The following CHST8 variants were observed in gnomAD, a reference collection of about 807,000 sequenced individuals.
CHST8 encodes carbohydrate sulfotransferase 8, also known as GALNAC-4-ST1.
A neutral mutation model predicts 15.0 loss-of-function variants in CHST8; 10 were observed. The ratio of observed to expected loss-of-function variants is 0.67; its 90% CI spans 0.41 to 1.13. CHST8 has a LOEUF of 1.13. Ranked by LOEUF, CHST8 falls within the 50% of genes most tolerant of loss-of-function variation. The pLI is 0.00. For synonymous variants in CHST8, 259 were observed against 256.6 expected (o/e 1.01, Z -0.09); for missense variants, 634 against 608.2 (o/e 1.04, Z -0.45).
chr19:33,672,820 G>T (rs1000516572), intron 2 of CHST8, among the ~76,000 whole-genome samples: 1 of 152,204 alleles, frequency 6.6e-6, no homozygotes, highest in Non-Finnish European at 1.5e-5. Flanking sequence ...CTCTGACAGA[G>T]GAGAGGAAGA....
intron 2 of CHST8, among the ~76,000 whole-genome samples, chr19:33,671,609 G>C (rs150540149): frequency 6.6e-6 from 1 of 151,758 alleles, no homozygotes; most frequent in Non-Finnish European, 1.5e-5. Context: ...CAGGGCCCTT[G>C]CACAGCTGAT....
intron 3 of CHST8, among the ~76,000 whole-genome samples, chr19:33,733,794 C>G (rs1189160722): frequency 6.6e-6 from 1 of 152,190 alleles, no homozygotes; most frequent in Admixed American, 6.5e-5. Flanking sequence ...GCTGGAACTT[C>G]CTACATAGGA....
At chr19:33,679,372 G>A (rs1972855667) in intron 2 of CHST8, among the ~76,000 whole-genome samples, 1 of 152,212 alleles carries the variant, frequency 6.6e-6, no homozygotes, top group Non-Finnish European at 1.5e-5. Flanking sequence ...GCTCAGGTGG[G>A]GAGAGATGCT....
At chr19:33,706,116 C>T (rs1973440377) in intron 3 of CHST8, among the ~76,000 whole-genome samples, 1 of 152,162 alleles carries the variant, frequency 6.6e-6, no homozygotes, top group Admixed American at 6.5e-5. Flanking sequence ...TCCTCAGATC[C>T]CAAAAGTCTG....
chr19:33,687,556 A>G (rs1973003311), intron 2 of CHST8, among the ~76,000 whole-genome samples: 2 of 152,114 alleles, frequency 1.3e-5, no homozygotes, highest in African/African-American at 2.4e-5. Flanking sequence ...GCAGGAACCA[A>G]CTGCTCGGCA....
rs181264832 is a variant in CHST8 at position 33,693,977 on chromosome 19, G to T, written c.130+4586G>T. Among the ~76,000 whole-genome samples, 7 of 150,638 alleles carry T rather than the reference G, an allele frequency of 4.6e-5. No homozygotes were observed. In the East Asian group the frequency reaches 9.8e-4, roughly 21 times the overall value. On this transcript the variant is annotated intron_variant, in intron 3 of 4. Coordinates refer to ENST00000650847, the MANE Select transcript of CHST8 (RefSeq NM_001127895.2). Reference sequence around the variant, plus strand: ...ATGGATTTTGTTTTAATGGGGCAAGGTGAGTCATTGTCAGTGACCCATGAA... The same window carrying T: ...ATGGATTTTGTTTTAATGGGGCAAGTTGAGTCATTGTCAGTGACCCATGAA...
At chr19:33,755,364 C>T (rs1313642823) in intron 3 of CHST8, among the ~76,000 whole-genome samples, 1 of 152,202 alleles carries the variant, frequency 6.6e-6, no homozygotes, top group Non-Finnish European at 1.5e-5. Context: ...GATTTATTGC[C>T]ATCATCACAA....
chr19:33,641,071 G>A (rs1016548998), intron 1 of CHST8, among the ~76,000 whole-genome samples: 2 of 152,198 alleles, frequency 1.3e-5, no homozygotes, highest in African/African-American at 2.4e-5. Flanking sequence ...GCACCTATGG[G>A]ATGGGCTGAG....
At chr19:33,691,596 T>A (rs111552624) in intron 3 of CHST8, among the ~76,000 whole-genome samples, 1 of 130,530 alleles carries the variant, frequency 7.7e-6, no homozygotes, top group Non-Finnish European at 1.7e-5. Flanking sequence ...ATTAGTTACA[T>A]TTTCTTCTGA....
At chr19:33,639,683 G>A (rs975884545) in intron 1 of CHST8, among the ~76,000 whole-genome samples, 1 of 152,020 alleles carries the variant, frequency 6.6e-6, no homozygotes, top group African/African-American at 2.4e-5. Flanking sequence ...ACCGGGAGAG[G>A]AAGAAGCTGT....
At chr19:33,752,159 G>A (rs1233929799) in intron 3 of CHST8, among the ~76,000 whole-genome samples, 1 of 152,224 alleles carries the variant, frequency 6.6e-6, no homozygotes, top group African/African-American at 2.4e-5. Context: ...GAGCCCGGGA[G>A]CCCTGGGATG....
At chr19:33,689,949 C>T (rs1222706195) in intron 3 of CHST8, among the ~76,000 whole-genome samples, 1 of 152,184 alleles carries the variant, frequency 6.6e-6, no homozygotes, top group Non-Finnish European at 1.5e-5. Context: ...CTGCTGGGAA[C>T]AGGTGGGATG....
At chr19:33,701,212 G>C (rs978869845) in intron 3 of CHST8, among the ~76,000 whole-genome samples, 11 of 152,104 alleles carry the variant, frequency 7.2e-5, no homozygotes, top group Non-Finnish European at 1.6e-4. Context: ...CCCCTTAGCA[G>C]TGCCATCCTG....
intron 1 of CHST8, among the ~76,000 whole-genome samples, chr19:33,640,623 C>T (rs1410044471): frequency 1.3e-5 from 2 of 152,130 alleles, no homozygotes; most frequent in African/African-American, 2.4e-5. Flanking sequence ...AGACTCTTAA[C>T]TTTTTTATGT....
Position 33,772,944 on chromosome 19 carries a change from A to C in CHST8, c.1156A>C (p.Arg386=), listed in dbSNP as rs766871924. 1.8e-5 allele frequency: 29 copies of C among 1,613,378 alleles called. No individual in the cohort carries two copies. Among genetic ancestry groups the C allele is most frequent in the Middle Eastern group, 1.6e-4 (1 of 6,084 alleles). ...CTCGCAGGAGGCGCGGACCACAGCG[A>C]GGATCGCCCACCAGTACTTCGCCCA... is the stretch of plus-strand genomic sequence containing the variant. ...RHSQEARTTA[R]IAHQYFAQLS... The change falls in exon 5 of 5, where the codon AGG becomes CGG. Residue 386 remains arginine (R), a synonymous_variant. Coordinates refer to ENST00000650847, the MANE Select transcript of CHST8 (RefSeq NM_001127895.2).
intron 3 of CHST8, among the ~76,000 whole-genome samples, chr19:33,757,739 G>C (rs530087221): frequency 6.6e-6 from 1 of 151,522 alleles, no homozygotes; most frequent in African/African-American, 2.4e-5. Flanking sequence ...TTAAGAGATG[G>C]GATCTCACTA....
intron 4 of CHST8, 58 bp from the exon 5 acceptor site, chr19:33,771,899 G>A: frequency 6.6e-7 from 1 of 1,513,126 alleles, no homozygotes; most frequent in Non-Finnish European, 8.8e-7. Flanking sequence ...TGACCTGTGT[G>A]GCCCTCAGTG....
chr19:33,691,732 G>C (rs1973102065), intron 3 of CHST8, among the ~76,000 whole-genome samples: 1 of 152,238 alleles, frequency 6.6e-6, no homozygotes, highest in Non-Finnish European at 1.5e-5. Context: ...GTGGCCCCAA[G>C]GGCCCTTGAC....
At chr19:33,743,296 CTTTTTTTT>C (rs916165328) in intron 3 of CHST8, among the ~76,000 whole-genome samples, 2 of 98,238 alleles carry the variant, frequency 2.0e-5, no homozygotes, top group South Asian at 3.4e-4. Flanking sequence ...CACAGCAATT[CTTTTTTTT>C]TTTTTTTTTT....
Sources: gnomAD v4.1 joint callset for allele counts (sites outside exome capture counted in the v4.1 genomes callset) on GRCh38, gnomAD v4.1.1 for gene constraint, MANE v1.5 for transcripts, NCBI Gene and HGNC (gene_info 2026-07-23, HGNC 2026-07-21) for gene names.